Variants in PTPRG observed in about 807,000 individuals in gnomAD.
PTPRG encodes receptor-type tyrosine-protein phosphatase gamma.
PTPRG carries 102 observed loss-of-function variants against 165.3 expected under a neutral mutation model. The observed-to-expected ratio is 0.62, with a 90% CI of 0.53 to 0.73. The LOEUF (loss-of-function observed/expected upper bound fraction) is 0.73. Ranked by LOEUF, PTPRG falls within the 30% of genes least tolerant of loss-of-function variation. PTPRG has a pLI of 0.00. For missense variants in PTPRG, 1,866 were observed against 1,861.4 expected (o/e 1.00, Z -0.05); for synonymous variants, 675 against 669.5 (o/e 1.01, Z -0.13).
intron 7 of PTPRG, among the ~76,000 whole-genome samples, chr3:62,158,719 A>G (rs760937327): frequency 6.6e-5 from 10 of 152,196 alleles, no homozygotes; most frequent in Non-Finnish European, 1.0e-4. Context: ...TAGGTCATGT[A>G]AGGCCAGGCT....
chr3:62,028,278 T>G (rs1392475008), intron 4 of PTPRG, among the ~76,000 whole-genome samples: 1 of 152,156 alleles, frequency 6.6e-6, no homozygotes, highest in African/African-American at 2.4e-5. Flanking sequence ...TACATTACTC[T>G]GGAAAATATT....
chr3:61,696,534 A>G (rs1293333118), intron 1 of PTPRG, among the ~76,000 whole-genome samples: 1 of 152,174 alleles, frequency 6.6e-6, no homozygotes, highest in Admixed American at 6.5e-5. Context: ...TTCTAGCCAC[A>G]TGCTTATTTG....
chr3:61,745,051 C>CTTTTT lies in PTPRG; in HGVS notation c.86-3813_86-3809dup, dbSNP rs10669472. Among the ~76,000 whole-genome samples the CTTTTT allele has an allele frequency of 7.9e-3, 883 of 111,560 alleles. 84 individuals carry two copies. The highest frequency in any genetic ancestry group is 0.026 in the African/African-American group (759 of 29,394). 73.2% of individuals were successfully genotyped at this position (111,560 alleles called of 152,430 possible). ...TTTCATGTGTTCATTCATTCCCTCA[C>CTTTTT]TTTTTTTTTTTTTTTTTTGAGACGG... On this transcript the variant is annotated intron_variant, in intron 1 of 29. Coordinates refer to ENST00000474889, the MANE Select transcript of PTPRG (RefSeq NM_002841.4).
intron 1 of PTPRG, among the ~76,000 whole-genome samples, chr3:61,700,632 T>C (rs1008751554): frequency 2.0e-5 from 3 of 152,216 alleles, no homozygotes; most frequent in African/African-American, 7.2e-5. Context: ...TGAAGTGAAC[T>C]TGACTGTTTT....
At chr3:62,015,743 G>A (rs973409864) in intron 4 of PTPRG, among the ~76,000 whole-genome samples, 1 of 152,126 alleles carries the variant, frequency 6.6e-6, no homozygotes, top group Admixed American at 6.5e-5. Flanking sequence ...AACATTTCAG[G>A]AGAGAGGATG....
intron 2 of PTPRG, among the ~76,000 whole-genome samples, chr3:61,984,660 G>A (rs2040715248): frequency 6.6e-6 from 1 of 152,194 alleles, no homozygotes; most frequent in Non-Finnish European, 1.5e-5. Context: ...GGACCTACTA[G>A]GAACCCAACA....
chr3:61,852,589 C>T (rs955797129), intron 2 of PTPRG, among the ~76,000 whole-genome samples: 4 of 152,276 alleles, frequency 2.6e-5, no homozygotes, highest in Middle Eastern at 3.4e-3. Flanking sequence ...GTGTTTCTTA[C>T]GAACATGGAA....
At chr3:62,024,019 T>C (rs568502121) in intron 4 of PTPRG, among the ~76,000 whole-genome samples, 71 of 152,268 alleles carry the variant, frequency 4.7e-4, no homozygotes, top group African/African-American at 1.6e-3. Context: ...GGGGTCTAGC[T>C]TTCTGTCATT....
chr3:62,043,005 C>A (rs112995570), intron 4 of PTPRG, among the ~76,000 whole-genome samples: 103 of 152,200 alleles, frequency 6.8e-4, no homozygotes, highest in Middle Eastern at 3.4e-3. Flanking sequence ...AAATTTCCAA[C>A]TGGAAGGTAC....
intron 2 of PTPRG, among the ~76,000 whole-genome samples, chr3:61,794,590 T>C (rs747257058): frequency 6.6e-6 from 1 of 152,270 alleles, no homozygotes; most frequent in African/African-American, 2.4e-5. Context: ...AGTGATAGCA[T>C]GCTTTGCTTA....
intron 2 of PTPRG, among the ~76,000 whole-genome samples, chr3:61,773,546 T>C (rs931880221): frequency 6.6e-6 from 1 of 152,182 alleles, no homozygotes. Context: ...GCATTTCTTT[T>C]GTGTAAAAGT....
intron 2 of PTPRG, among the ~76,000 whole-genome samples, chr3:61,924,378 C>T (rs1294078854): frequency 6.6e-6 from 1 of 152,186 alleles, no homozygotes; most frequent in Non-Finnish European, 1.5e-5. Context: ...TGGAAGAAAA[C>T]CGGCTATTGT....
chr3:61,944,537 T>C (rs2039708639), intron 2 of PTPRG, among the ~76,000 whole-genome samples: 1 of 152,194 alleles, frequency 6.6e-6, no homozygotes, highest in South Asian at 2.1e-4. Context: ...AAGAGCTCTA[T>C]GACTTTATCA....
chr3:61,999,633 G>A (rs1162078528), intron 3 of PTPRG, among the ~76,000 whole-genome samples: 1 of 151,930 alleles, frequency 6.6e-6, no homozygotes, highest in African/African-American at 2.4e-5. Context: ...TATTTTTGTA[G>A]TACCGTTTTC....
chr3:61,900,071 CAAAT>C (rs2038459992), intron 2 of PTPRG, among the ~76,000 whole-genome samples: 1 of 151,790 alleles, frequency 6.6e-6, no homozygotes, highest in Non-Finnish European at 1.5e-5. Flanking sequence ...GTTTTAAACA[CAAAT>C]AGTCTTGTTG....
intron 7 of PTPRG, among the ~76,000 whole-genome samples, chr3:62,164,220 CT>C (rs1195875363): frequency 2.0e-5 from 3 of 152,164 alleles, no homozygotes; most frequent in Admixed American, 2.0e-4. Context: ...CTTATGGCAC[CT>C]TTTGGAATCA....
intron 8 of PTPRG, among the ~76,000 whole-genome samples, chr3:62,168,943 T>A (rs114744078): frequency 0.011 from 1,728 of 152,208 alleles, 14 homozygotes; most frequent in Middle Eastern, 0.037. Flanking sequence ...GGGTATCAAG[T>A]GAGAAGATGA....
At chr3:62,285,693 C>T in intron 28 of PTPRG, among the ~76,000 whole-genome samples, 1 of 152,132 alleles carries the variant, frequency 6.6e-6, no homozygotes, top group African/African-American at 2.4e-5. Flanking sequence ...CAAGATTATT[C>T]TGCTCAGAGG....
At chr3:61,838,754 C>G (rs1440439464) in intron 2 of PTPRG, among the ~76,000 whole-genome samples, 1 of 152,200 alleles carries the variant, frequency 6.6e-6, no homozygotes, top group Non-Finnish European at 1.5e-5. Context: ...ACCACTCTCC[C>G]TGAGCTTTTT....
Sources: allele counts gnomAD v4.1 joint callset (sites outside exome capture counted in the v4.1 genomes callset), GRCh38; gene constraint gnomAD v4.1.1; transcripts MANE v1.5; gene names NCBI Gene and HGNC (gene_info 2026-07-23, HGNC 2026-07-21).